CREBBP: variants seen among roughly 807,000 people sequenced by gnomAD.
CREBBP encodes CREB binding lysine acetyltransferase.
CREBBP carries 19 observed loss-of-function variants against 265.0 expected under a neutral mutation model. The ratio of observed to expected loss-of-function variants is 0.07; its 90% CI spans 0.05 to 0.11. The LOEUF (loss-of-function observed/expected upper bound fraction) is 0.11. Ranked by LOEUF, CREBBP falls within the 10% of genes least tolerant of loss-of-function variation. The pLI, the probability that CREBBP is intolerant of heterozygous loss-of-function variation, is 1.00. For missense variants in CREBBP, 2,525 were observed against 3,219.0 expected, an observed-to-expected ratio of 0.78 and a Z score of 5.22; for synonymous variants, 1,457 against 1,223.7, an observed-to-expected ratio of 1.19 and a Z score of -3.98.
At chr16:3,770,444 C>T in intron 14 of CREBBP, 126 bp downstream of exon 14, 2 of 1,057,806 alleles carry the variant, frequency 1.9e-6, no homozygotes, top group Non-Finnish European at 2.9e-6. Context: ...GATTCTCCCA[C>T]CTTGGCCTCC....
At chr16:3,793,912 A>G (rs775282925) in intron 3 of CREBBP, among the ~76,000 whole-genome samples, 4 of 152,216 alleles carry the variant, frequency 2.6e-5, no homozygotes, top group Non-Finnish European at 5.9e-5. Flanking sequence ...TCACTCTACA[A>G]TATACACAAC....
chr16:3,872,451 A>G (rs1405509933), intron 1 of CREBBP, among the ~76,000 whole-genome samples: 1 of 152,182 alleles, frequency 6.6e-6, no homozygotes, highest in Non-Finnish European at 1.5e-5. Flanking sequence ...AGAACAGGCA[A>G]AAGCCCCCAC....
chr16:3,741,102 A>C, intron 23 of CREBBP: 1 of 168,310 alleles, frequency 5.9e-6, no homozygotes, highest in Admixed American at 5.5e-5. Flanking sequence ...TGCACGAATG[A>C]AGTTTCCGAG....
intron 14 of CREBBP, among the ~76,000 whole-genome samples, chr16:3,770,262 A>C (rs2052967648): frequency 6.6e-6 from 1 of 151,970 alleles, no homozygotes; most frequent in Non-Finnish European, 1.5e-5. Context: ...GCTCACTGTA[A>C]CCTGTACCTC....
chr16:3,796,642 C>T (rs1415572153), intron 3 of CREBBP, among the ~76,000 whole-genome samples: 2 of 152,138 alleles, frequency 1.3e-5, no homozygotes, highest in Non-Finnish European at 1.5e-5. Flanking sequence ...ACACCTCAGC[C>T]TCCCAAAGTG....
chr16:3,878,463 ATGAT>A (rs1457332030), intron 1 of CREBBP, among the ~76,000 whole-genome samples: 1 of 152,220 alleles, frequency 6.6e-6, no homozygotes, highest in Admixed American at 6.5e-5. Context: ...GAATCTCCTT[ATGAT>A]TGATCTTTAA....
At chr16:3,735,188 G>T (rs1313558301) in intron 28 of CREBBP, among the ~76,000 whole-genome samples, 1 of 152,148 alleles carries the variant, frequency 6.6e-6, no homozygotes, top group Non-Finnish European at 1.5e-5. Context: ...CCTCCCCAAG[G>T]CTCCTTCCCC....
At chr16:3,861,993 T>G (rs1725136902) in intron 1 of CREBBP, among the ~76,000 whole-genome samples, 2 of 151,966 alleles carry the variant, frequency 1.3e-5, no homozygotes, top group African/African-American at 4.8e-5. Flanking sequence ...CACCCTCTCC[T>G]CCCCAGGAGA....
At chr16:3,839,759 G>C (rs1416588552) in intron 2 of CREBBP, among the ~76,000 whole-genome samples, 1 of 146,598 alleles carries the variant, frequency 6.8e-6, no homozygotes, top group African/African-American at 2.5e-5. Flanking sequence ...GAAAGGAAGG[G>C]AGGAAAGGGA....
Position 3,728,012 on chromosome 16 carries a change from A to C in CREBBP, c.7035T>G (p.Ser2345=). ...IATSLSNQVR[S]PAPVQSPRPQ... is the part of the protein sequence containing the mutation. ...GCCGTGGAGACTGGACAGGGGCTGGAGACCGCACCTGGTTACTAAGGGACG... is the reference window on the plus strand; with the variant it reads ...GCCGTGGAGACTGGACAGGGGCTGGCGACCGCACCTGGTTACTAAGGGACG... Residue 2345 remains serine (S), a synonymous_variant, in exon 31 of 31, where the codon TCT becomes TCG. Coordinates refer to ENST00000262367, the MANE Select transcript of CREBBP (RefSeq NM_004380.3). This position sits in a 1 kb window ranked among gnomAD's most constrained non-coding sequence, Gnocchi z 8.7. 6 of 1,610,368 alleles carry C rather than the reference A, an allele frequency of 3.7e-6. No individual in the cohort carries two copies. Among genetic ancestry groups the C allele is most frequent in the Non-Finnish European group, 5.1e-6 (6 of 1,177,278 alleles).
At chr16:3,849,706 C>G (rs1331274701) in intron 2 of CREBBP, among the ~76,000 whole-genome samples, 1 of 151,498 alleles carries the variant, frequency 6.6e-6, no homozygotes, top group African/African-American at 2.4e-5. Context: ...AGGCCCCACG[C>G]CGAGCTTCTG....
rs56060400 is a variant in CREBBP, at chr16:3,727,838, G to C, written c.7209C>G (p.Pro2403=). The change falls in exon 31 of 31, where the codon CCC becomes CCG. Residue 2403 remains proline (P), a synonymous_variant. Coordinates refer to ENST00000262367, the MANE Select transcript of CREBBP (RefSeq NM_004380.3). ...GCTGGGGGAGCATTGCACTCTGTTCGGGGTTCCCCAAGTGTCCCTGATCTA... is the reference window on the plus strand; with the variant it reads ...GCTGGGGGAGCATTGCACTCTGTTCCGGGTTCCCCAAGTGTCCCTGATCTA... ...SSIDQGHLGN[P]EQSAMLPQLN... 1 of 1,614,006 alleles carries C rather than the reference G, an allele frequency of 6.2e-7. No individual in the cohort carries two copies. Among genetic ancestry groups the C allele is most frequent in the Non-Finnish European group, 8.5e-7 (1 of 1,180,040 alleles).
chr16:3,870,739 C>G (rs2239317), intron 1 of CREBBP, among the ~76,000 whole-genome samples: 11,886 of 152,252 alleles, frequency 0.078, 678 homozygotes, highest in East Asian at 0.29. Context: ...TTAGTCCTCA[C>G]TGGCCCAAGA....
rs79534235 is a variant in CREBBP at position 3,854,819 on chromosome 16, G to A, written c.86-3810C>T. 6.9e-3 allele frequency among the ~76,000 whole-genome samples: 1,053 copies of A among 152,260 alleles called. 12 individuals carry two copies. The highest frequency in any genetic ancestry group is 0.017 in the Middle Eastern group (5 of 294). On this transcript the variant is annotated intron_variant, in intron 1 of 30. Coordinates refer to ENST00000262367, the MANE Select transcript of CREBBP (RefSeq NM_004380.3). ...CCCTCTTGTCAGTCTAGAAAACCAC[G>A]TCTAACACACACTTGTTATCTTCCC...
intron 28 of CREBBP, 147 bp downstream of exon 28, chr16:3,735,889 C>T: frequency 7.9e-7 from 1 of 1,260,008 alleles, no homozygotes. Context: ...CCCACCAACG[C>T]CCTGTGCTGC....
rs568913402 is a variant in CREBBP, at chr16:3,740,382, A to G, written c.4133+17T>C. The G allele has an allele frequency of 6.2e-7, 1 of 1,614,092 alleles. No individual in the cohort carries two copies. Among genetic ancestry groups the G allele is most frequent in the East Asian group, 2.2e-5 (1 of 44,874 alleles). On this transcript the variant is annotated intron_variant, in intron 24 of 30. Transcript: ENST00000262367. ...GGGGACTGCTCGCAGAGCACTGTAG[A>G]GAGCAGGCACACTGACCGTGACTTC...
chr16:3,850,888 T>C lies in CREBBP; in HGVS notation c.207A>G (p.Gln69=), dbSNP rs1222729071. Residue 69 remains glutamine (Q), a synonymous_variant, in exon 2 of 31, where the codon CAA becomes CAG. Transcript: ENST00000262367. ...LVPDAASKHK[Q]LSELLRGGSG... is the part of the protein sequence containing the mutation. ...TGCCTCCTCGTAGAAGCTCCGACAG[T>C]TGTTTATGTTTGGAAGCAGCATCTG... is the stretch of plus-strand genomic sequence containing the variant. 1.2e-6 allele frequency: 2 copies of C among 1,614,146 alleles called. No homozygotes were observed. The highest frequency in any genetic ancestry group is 2.2e-5 in the South Asian group (2 of 91,082).
chr16:3,850,151 G>T, intron 2 of CREBBP, 146 bp downstream of exon 2: 1 of 776,524 alleles, frequency 1.3e-6, no homozygotes, highest in Non-Finnish European at 2.2e-6. Flanking sequence ...ATCCTAGAAA[G>T]AAATCTGTCT....
intron 2 of CREBBP, among the ~76,000 whole-genome samples, chr16:3,844,669 T>C (rs1198865636): frequency 6.6e-6 from 1 of 152,204 alleles, no homozygotes; most frequent in Non-Finnish European, 1.5e-5. Flanking sequence ...AAAGTATCAA[T>C]AATGCAAAAG....
Sources: gnomAD v4.1 joint callset for allele counts (sites outside exome capture counted in the v4.1 genomes callset) on GRCh38, gnomAD v4.1.1 for gene constraint, Gnocchi (gnomAD v3.1) non-coding constraint, MANE v1.5 for transcripts, NCBI Gene and HGNC (gene_info 2026-07-23, HGNC 2026-07-21) for gene names.